Variants in MBNL3 observed in about 807,000 individuals in gnomAD.
MBNL3 encodes muscleblind like splicing regulator 3, also known as muscleblind-like protein 3.
A neutral mutation model predicts 24.5 loss-of-function variants in MBNL3; 6 were observed. The observed-to-expected ratio is 0.25, with a 90% CI of 0.13 to 0.48. The LOEUF is 0.48. MBNL3 is among the 20% of genes least tolerant of loss of function. The pLI is 0.99. For missense variants in MBNL3, 230 were observed against 293.5 expected, an observed-to-expected ratio of 0.78 and a Z score of 1.58; for synonymous variants, 100 against 101.7, an observed-to-expected ratio of 0.98 and a Z score of 0.10.
intron 1 of MBNL3, among the ~76,000 whole-genome samples, chrX:132,459,971 G>A (rs1418252329): frequency 9.0e-6 from 1 of 111,496 alleles, no homozygotes; most frequent in African/African-American, 3.3e-5. Context: ...TTTTAGGTTT[G>A]ACTTCAGCCA....
At chrX:132,429,998 T>G (rs962442243) in intron 2 of MBNL3, 2 of 111,571 alleles carry the variant, frequency 1.8e-5, no homozygotes, top group African/African-American at 6.5e-5. Context: ...GCTAGGTTTG[T>G]GAAGTGCTTT....
chrX:132,484,467 G>T (rs1028549688), intron 1 of MBNL3, among the ~76,000 whole-genome samples: 2 of 111,826 alleles, frequency 1.8e-5, no homozygotes, highest in African/African-American at 6.5e-5. Flanking sequence ...AAGGAAACCT[G>T]AGTAAGCCTG....
intron 2 of MBNL3, among the ~76,000 whole-genome samples, chrX:132,416,736 T>G (rs969016246): frequency 1.8e-5 from 2 of 111,941 alleles, no homozygotes; most frequent in Non-Finnish European, 3.8e-5. Flanking sequence ...CCATAATAAT[T>G]ATCAATTACA....
chrX:132,437,035 T>C (rs1022852884), intron 2 of MBNL3, among the ~76,000 whole-genome samples: 4 of 111,920 alleles, frequency 3.6e-5, no homozygotes, highest in African/African-American at 1.3e-4. Flanking sequence ...ATTTTGTCTC[T>C]GAATTAAACA....
chrX:132,444,441 A>T (rs1945584835), intron 1 of MBNL3, among the ~76,000 whole-genome samples: 1 of 110,939 alleles, frequency 9.0e-6, no homozygotes, highest in South Asian at 3.8e-4. Flanking sequence ...ACAAAGAATG[A>T]CCTATTCCTG....
At chrX:132,434,261 G>C (rs751783007) in intron 2 of MBNL3, among the ~76,000 whole-genome samples, 1 of 111,970 alleles carries the variant, frequency 8.9e-6, no homozygotes, top group South Asian at 3.8e-4. Flanking sequence ...CTTTCCAGTG[G>C]CTTGTTGCTG....
intron 1 of MBNL3, among the ~76,000 whole-genome samples, chrX:132,485,838 A>G (rs1038626738): frequency 8.9e-6 from 1 of 112,392 alleles, no homozygotes; most frequent in Non-Finnish European, 1.9e-5. Flanking sequence ...AGAAAGGCAG[A>G]AAAATCCCAC....
rs1342383098 is a variant in MBNL3, at chrX:132,372,474, TTAATATTA to T, written c.*7184_*7191del. ...CAGCAACAATAATATTAAAATATTATTAATATTATAATATTAAAATAATATTAAAATAT... is the reference window on the plus strand; with the variant it reads ...CAGCAACAATAATATTAAAATATTATTAATATTAAAATAATATTAAAATAT... On this transcript the variant is annotated 3_prime_UTR_variant, in exon 9 of 9. Transcript: ENST00000370853. 1.9e-5 allele frequency: 2 copies of T among 107,838 alleles called. No homozygotes were observed. The highest frequency in any genetic ancestry group is 3.8e-5 in the Non-Finnish European group (2 of 52,166). 8.9% of individuals were successfully genotyped at this position (107,838 alleles called of 1,213,427 possible). A position where few individuals can be genotyped will look rare whatever the true frequency, so the allele number is the denominator to read the frequency against.
intron 3 of MBNL3, among the ~76,000 whole-genome samples, chrX:132,396,606 ATATATATT>A (rs1395975970): frequency 2.4e-4 from 10 of 41,337 alleles, no homozygotes; most frequent in African/African-American, 4.6e-4. Flanking sequence ...ATATATTCCT[ATATATATT>A]CATATATATA....
chrX:132,420,257 G>T (rs1364848747), intron 2 of MBNL3, among the ~76,000 whole-genome samples: 1 of 112,133 alleles, frequency 8.9e-6, no homozygotes, highest in Middle Eastern at 4.2e-3. Context: ...TAGCCCGATC[G>T]GGAGCGGCAA....
At chrX:132,412,499 A>G (rs901363735) in intron 2 of MBNL3, among the ~76,000 whole-genome samples, 2 of 112,697 alleles carry the variant, frequency 1.8e-5, no homozygotes, top group African/African-American at 6.4e-5. Context: ...TCTCTAATGC[A>G]TATGCCTTCT....
At chrX:132,414,133 AAG>A (rs1366563343) in intron 2 of MBNL3, among the ~76,000 whole-genome samples, 1 of 112,274 alleles carries the variant, frequency 8.9e-6, no homozygotes, top group Admixed American at 9.4e-5. Flanking sequence ...CTCACATTAA[AAG>A]AGAGCACAAA....
At chrX:132,481,444 A>G (rs1947730623) in intron 1 of MBNL3, among the ~76,000 whole-genome samples, 1 of 112,101 alleles carries the variant, frequency 8.9e-6, no homozygotes, top group South Asian at 3.7e-4. Flanking sequence ...GTTAATTTAG[A>G]ATATATATTC....
chrX:132,373,405 A>G lies in MBNL3; in HGVS notation c.*6261T>C, dbSNP rs770522272. 2.7e-5 allele frequency: 3 copies of G among 111,755 alleles called. No individual in the cohort carries two copies. Among genetic ancestry groups the G allele is most frequent in the South Asian group, 3.8e-4 (1 of 2,664 alleles). 9.2% of individuals were successfully genotyped at this position (111,755 alleles called of 1,213,427 possible). Reference sequence around the variant, plus strand: ...GAAGGAATGCTTACATTTTATATCAATGGAAATGCTGGTCAGATTGTCAGG... The same window carrying G: ...GAAGGAATGCTTACATTTTATATCAGTGGAAATGCTGGTCAGATTGTCAGG... On this transcript the variant is annotated 3_prime_UTR_variant, in exon 9 of 9. Coordinates refer to ENST00000370853, the MANE Select transcript of MBNL3 (RefSeq NM_001386889.1).
chrX:132,487,498 A>G (rs1310294345), intron 1 of MBNL3, among the ~76,000 whole-genome samples: 1 of 112,496 alleles, frequency 8.9e-6, no homozygotes, highest in Non-Finnish European at 1.9e-5. Flanking sequence ...CCATGCTTTA[A>G]TAAGGGCAAA....
At chrX:132,396,522 A>C (rs28414147) in intron 3 of MBNL3, among the ~76,000 whole-genome samples, 2,652 of 49,725 alleles carry the variant, frequency 0.053, 163 homozygotes, top group African/African-American at 0.21. Context: ...ATATATATTC[A>C]TATATATATT....
rs1933673524 is a variant in MBNL3, at chrX:132,372,207, T to G, written c.*7459A>C. 1 of 110,524 alleles carries G rather than the reference T, an allele frequency of 9.0e-6. No homozygotes were observed. The highest frequency in any genetic ancestry group is 9.8e-5 in the Admixed American group (1 of 10,256). 9.1% of individuals were successfully genotyped at this position (110,524 alleles called of 1,213,427 possible). A position where few individuals can be genotyped will look rare whatever the true frequency, so the allele number is the denominator to read the frequency against. On this transcript the variant is annotated 3_prime_UTR_variant, in exon 9 of 9. Transcript: ENST00000370853. ...GGGAAGAGTTGGTACTCATGAAATA[T>G]TCTGGTCATTATTTAAATATGTTAC...
intron 5 of MBNL3, among the ~76,000 whole-genome samples, chrX:132,389,000 A>T (rs762987862): frequency 8.9e-6 from 1 of 111,753 alleles, no homozygotes; most frequent in Non-Finnish European, 1.9e-5. Flanking sequence ...ACAAGTAACA[A>T]TTGAAGGCCT....
chrX:132,425,019 A>G (rs1255429571), intron 2 of MBNL3, among the ~76,000 whole-genome samples: 1 of 112,237 alleles, frequency 8.9e-6, no homozygotes, highest in Non-Finnish European at 1.9e-5. Context: ...TTGCCTATTA[A>G]AATATGCTAG....
Sources: gnomAD v4.1 joint callset for allele counts (sites outside exome capture counted in the v4.1 genomes callset) on GRCh38, gnomAD v4.1.1 for gene constraint, MANE v1.5 for transcripts, NCBI Gene and HGNC (gene_info 2026-07-23, HGNC 2026-07-21) for gene names.